The following NRXN3 variants were observed in gnomAD, a reference collection of about 807,000 sequenced individuals.
NRXN3 encodes the protein neurexin 3.
A neutral mutation model predicts 137.6 loss-of-function variants in NRXN3; 32 were observed. The ratio of observed to expected loss-of-function variants is 0.23; its 90% CI spans 0.18 to 0.31. NRXN3 has a LOEUF of 0.31. Among genes scored for constraint, NRXN3 ranks in the 10% least tolerant of loss-of-function variants. NRXN3 has a pLI of 1.00. For synonymous variants in NRXN3, 798 were observed against 784.5 expected (o/e 1.02, Z -0.29); for missense variants, 1,574 against 2,062.5 (o/e 0.76, Z 4.59).
chr14:78,583,497 T>C (rs1423841702), intron 4 of NRXN3, among the ~76,000 whole-genome samples: 1 of 151,960 alleles, frequency 6.6e-6, no homozygotes, highest in Non-Finnish European at 1.5e-5. Context: ...CTCAACTTAT[T>C]AAATGTACTA....
Position 79,017,222 on chromosome 14 carries a change from C to T in NRXN3, c.3262+29081C>T, listed in dbSNP as rs566676636. Among the ~76,000 whole-genome samples the T allele has an allele frequency of 6.7e-4, 32 of 47,612 alleles. 1 individual carries two copies. The highest frequency in any genetic ancestry group is 1.7e-3 in the African/African-American group (27 of 15,652). 31.2% of individuals were successfully genotyped at this position (47,612 alleles called of 152,430 possible). A position where few individuals can be genotyped will look rare whatever the true frequency, so the allele number is the denominator to read the frequency against. ...TGCCCTCCTTGTGCAGATCGCCCCA[C>T]GGATCACTGGCTGTGTGTGCCCATC... On this transcript the variant is annotated intron_variant, in intron 15 of 20. Coordinates refer to ENST00000335750, the MANE Select transcript of NRXN3 (RefSeq NM_001330195.2).
chr14:79,458,834 ATGGACTATTATC>A (rs2096289599), intron 15 of NRXN3, among the ~76,000 whole-genome samples: 1 of 152,116 alleles, frequency 6.6e-6, no homozygotes. Context: ...TTAATCAGGA[ATGGACTATTATC>A]TGACCTTACT....
chr14:78,846,595 CT>C (rs879298081), intron 10 of NRXN3, among the ~76,000 whole-genome samples: 4 of 152,052 alleles, frequency 2.6e-5, no homozygotes, highest in Non-Finnish European at 4.4e-5. Context: ...ATTCCTTTAT[CT>C]TTCCTGTCTC....
chr14:79,195,836 G>A (rs12590183), intron 15 of NRXN3, among the ~76,000 whole-genome samples: 5,417 of 152,276 alleles, frequency 0.036, 230 homozygotes, highest in East Asian at 0.21. Context: ...GGAGAGGATG[G>A]CCTTAAGGAA....
chr14:79,786,215 C>T (rs2099128989), intron 19 of NRXN3, among the ~76,000 whole-genome samples: 1 of 152,204 alleles, frequency 6.6e-6, no homozygotes, highest in Non-Finnish European at 1.5e-5. Context: ...ACTGTCTTCA[C>T]TTCAGCACAG....
intron 19 of NRXN3, among the ~76,000 whole-genome samples, chr14:79,795,210 T>C (rs113983646): frequency 2.8e-4 from 43 of 152,342 alleles, no homozygotes; most frequent in African/African-American, 1.0e-3. Context: ...ATAGAAGTTC[T>C]GTTGTGTTTG....
intron 15 of NRXN3, among the ~76,000 whole-genome samples, chr14:79,400,934 A>G (rs2153491298): frequency 6.6e-6 from 1 of 152,258 alleles, no homozygotes; most frequent in South Asian, 2.1e-4. Context: ...TTATCACTGA[A>G]CACATTGCAG....
At chr14:79,420,331 G>C (rs1208700192) in intron 15 of NRXN3, among the ~76,000 whole-genome samples, 1 of 152,148 alleles carries the variant, frequency 6.6e-6, no homozygotes, top group African/African-American at 2.4e-5. Flanking sequence ...CAGGCATTCT[G>C]TCTCTTAACC....
At chr14:78,380,966 CA>C (rs922544715) in intron 4 of NRXN3, among the ~76,000 whole-genome samples, 4 of 152,080 alleles carry the variant, frequency 2.6e-5, no homozygotes, top group Non-Finnish European at 5.9e-5. Flanking sequence ...GGGATAGACA[CA>C]CCGATGAACA....
chr14:79,082,168 T>C (rs2047162473), intron 15 of NRXN3, among the ~76,000 whole-genome samples: 1 of 152,026 alleles, frequency 6.6e-6, no homozygotes, highest in Admixed American at 6.6e-5. Context: ...TATATACATC[T>C]ATATATCACA....
chr14:78,227,011 G>T (rs1401058601), intron 1 of NRXN3, among the ~76,000 whole-genome samples: 4 of 152,206 alleles, frequency 2.6e-5, no homozygotes, highest in Non-Finnish European at 4.4e-5. Flanking sequence ...TCATATGCCT[G>T]TTGCAACTGA....
chr14:78,810,034 AAT>A (rs945280573), intron 9 of NRXN3, among the ~76,000 whole-genome samples: 4 of 151,814 alleles, frequency 2.6e-5, no homozygotes, highest in Admixed American at 6.6e-5. Flanking sequence ...AAAAAAAAAA[AAT>A]GTTTGGTGTC....
At chr14:79,614,587 C>A (rs2098136101) in intron 16 of NRXN3, among the ~76,000 whole-genome samples, 1 of 152,146 alleles carries the variant, frequency 6.6e-6, no homozygotes, top group Admixed American at 6.5e-5. Context: ...TGATTTCATG[C>A]AAAATTAATT....
At chr14:78,540,718 G>A (rs746190766) in intron 4 of NRXN3, among the ~76,000 whole-genome samples, 3 of 152,110 alleles carry the variant, frequency 2.0e-5, no homozygotes, top group Non-Finnish European at 4.4e-5. Context: ...ACCATCAATG[G>A]TCTTTACAAT....
intron 16 of NRXN3, among the ~76,000 whole-genome samples, chr14:79,518,655 C>A (rs10083492): frequency 0.29 from 44,656 of 151,938 alleles, 8,697 homozygotes; most frequent in African/African-American, 0.55. Context: ...ATCATCTAAA[C>A]ATAATTTTAT....
At position 79,269,398 on chromosome 14, in the gene NRXN3, A is replaced by G. The variant is rs1007998689; in HGVS notation, c.3263-197823A>G. The stretch of plus-strand genomic sequence containing the variant: ...GTTTATGATACTGTAGGAGCTATGC[A>G]TGCCTCACTCTAGAAGAAAATTCCA... On this transcript the variant is annotated intron_variant, in intron 15 of 20. Transcript: ENST00000335750. Among the ~76,000 whole-genome samples the G allele has an allele frequency of 5.3e-5, 8 of 152,266 alleles. No homozygotes were observed. The East Asian group carries it at 1.5e-3, about 29-fold the overall frequency.
At chr14:78,809,079 C>A (rs2098894800) in intron 9 of NRXN3, among the ~76,000 whole-genome samples, 2 of 152,066 alleles carry the variant, frequency 1.3e-5, no homozygotes, top group African/African-American at 2.4e-5. Context: ...TAACCTGAGA[C>A]CTTTCTCTGA....
intron 15 of NRXN3, among the ~76,000 whole-genome samples, chr14:79,097,736 G>A (rs1025445574): frequency 2.0e-5 from 3 of 152,100 alleles, no homozygotes; most frequent in African/African-American, 4.8e-5. Context: ...TTTAGAAGGT[G>A]AAGCCTGTAT....
intron 15 of NRXN3, among the ~76,000 whole-genome samples, chr14:79,207,771 G>A (rs1367397918): frequency 6.6e-6 from 1 of 152,114 alleles, no homozygotes; most frequent in Non-Finnish European, 1.5e-5. Context: ...AAGCCTCTGG[G>A]TTTGTTGATA....
Sources: gnomAD v4.1 joint callset for allele counts (sites outside exome capture counted in the v4.1 genomes callset) on GRCh38, gnomAD v4.1.1 for gene constraint, MANE v1.5 for transcripts, NCBI Gene and HGNC (gene_info 2026-07-23, HGNC 2026-07-21) for gene names.